The following FBXO33 variants were observed in gnomAD, a reference collection of about 807,000 sequenced individuals.
FBXO33 encodes the protein F-box protein 33, also known as F-box only protein 33.
In FBXO33, 22 loss-of-function variants were observed where a neutral mutation model predicts 46.3. That is an observed-to-expected ratio of 0.48 (90% confidence interval 0.34 to 0.68). FBXO33 has a LOEUF of 0.68. FBXO33 is among the 30% of genes least tolerant of loss of function. FBXO33 has a pLI of 0.01. For synonymous variants in FBXO33, 337 were observed against 291.3 expected (o/e 1.16, Z -1.60); for missense variants, 692 against 708.8 (o/e 0.98, Z 0.27).
intron 3 of FBXO33, 33 bp downstream of exon 3, chr14:39,401,143 C>A: frequency 6.5e-7 from 1 of 1,531,486 alleles, no homozygotes; most frequent in Non-Finnish European, 8.8e-7. Flanking sequence ...GGTCTAATTC[C>A]AGTATCAGAT....
intron 1 of FBXO33, among the ~76,000 whole-genome samples, chr14:39,422,330 G>C (rs2075489271): frequency 6.6e-6 from 1 of 152,140 alleles, no homozygotes; most frequent in Non-Finnish European, 1.5e-5. Flanking sequence ...TCATGCCCTG[G>C]TCTAAGCCAC....
At chr14:39,418,188 C>A (rs896486356) in intron 1 of FBXO33, among the ~76,000 whole-genome samples, 1 of 151,680 alleles carries the variant, frequency 6.6e-6, no homozygotes, top group African/African-American at 2.4e-5. Flanking sequence ...CTCAGCCTCC[C>A]GAGTAGCTGG....
chr14:39,411,080 C>G (rs4902599), intron 1 of FBXO33, among the ~76,000 whole-genome samples: 2 of 151,972 alleles, frequency 1.3e-5, no homozygotes, highest in Admixed American at 6.6e-5. Context: ...TTTAAAGTTA[C>G]GTTGTATGAA....
intron 1 of FBXO33, among the ~76,000 whole-genome samples, chr14:39,415,736 G>A (rs1190918561): frequency 2.0e-5 from 3 of 151,614 alleles, no homozygotes; most frequent in East Asian, 3.9e-4. Context: ...GTGTGATCTC[G>A]GCTCACTGCA....
intron 1 of FBXO33, among the ~76,000 whole-genome samples, chr14:39,424,449 G>A (rs2139419298): frequency 6.6e-6 from 1 of 152,038 alleles, no homozygotes; most frequent in South Asian, 2.1e-4. Context: ...ACTAACACAG[G>A]GTCTGGCATT....
chr14:39,402,858 T>C (rs1179868048), intron 1 of FBXO33, among the ~76,000 whole-genome samples: 1 of 152,028 alleles, frequency 6.6e-6, no homozygotes, highest in Non-Finnish European at 1.5e-5. Context: ...AATTTTTTTG[T>C]ATTTTTAGTA....
chr14:39,404,023 G>C (rs2075381025), intron 1 of FBXO33, among the ~76,000 whole-genome samples: 2 of 152,050 alleles, frequency 1.3e-5, no homozygotes, highest in South Asian at 4.2e-4. Flanking sequence ...ACAAGTATGA[G>C]CCACCATGTC....
At chr14:39,400,597 TAAG>T (rs2075364145) in intron 3 of FBXO33, among the ~76,000 whole-genome samples, 1 of 152,134 alleles carries the variant, frequency 6.6e-6, no homozygotes, top group African/African-American at 2.4e-5. Flanking sequence ...GGATAGCTAA[TAAG>T]AGAGTTTAAG....
intron 1 of FBXO33, among the ~76,000 whole-genome samples, chr14:39,429,785 C>T (rs1355881550): frequency 6.6e-6 from 1 of 152,158 alleles, no homozygotes; most frequent in East Asian, 1.9e-4. Flanking sequence ...CCCAGAAGGG[C>T]AGGCATCGGT....
At chr14:39,408,090 G>C (rs997785960) in intron 1 of FBXO33, among the ~76,000 whole-genome samples, 1 of 151,946 alleles carries the variant, frequency 6.6e-6, no homozygotes, top group African/African-American at 2.4e-5. Context: ...ACAGGTGTGC[G>C]CCACCATGCC....
At chr14:39,431,304 G>A (rs924830761) in intron 1 of FBXO33, among the ~76,000 whole-genome samples, 8 of 152,294 alleles carry the variant, frequency 5.3e-5, no homozygotes, top group African/African-American at 1.4e-4. Flanking sequence ...CGGCCACCAA[G>A]AGGATGAATG....
intron 1 of FBXO33, among the ~76,000 whole-genome samples, chr14:39,430,646 CT>C (rs1416816952): frequency 2.6e-5 from 4 of 152,094 alleles, no homozygotes; most frequent in Non-Finnish European, 5.9e-5. Context: ...AGTATTTTTA[CT>C]ATGTAAGGTG....
At chr14:39,406,039 G>A (rs1479452428) in intron 1 of FBXO33, among the ~76,000 whole-genome samples, 1 of 151,294 alleles carries the variant, frequency 6.6e-6, no homozygotes, top group Non-Finnish European at 1.5e-5. Flanking sequence ...TTCCATATTA[G>A]ACTCCAAAGA....
At chr14:39,406,662 A>G (rs1402881561) in intron 1 of FBXO33, among the ~76,000 whole-genome samples, 1 of 152,178 alleles carries the variant, frequency 6.6e-6, no homozygotes, top group Non-Finnish European at 1.5e-5. Flanking sequence ...TACCAGAGAC[A>G]AACTGTACAG....
chr14:39,407,085 C>A (rs2415546), intron 1 of FBXO33, among the ~76,000 whole-genome samples: 43,275 of 151,940 alleles, frequency 0.28, 7,610 homozygotes, highest in Non-Finnish European at 0.4. Context: ...TCACAGGATA[C>A]AAGGTCAATA....
chr14:39,406,695 A>C (rs566368782), intron 1 of FBXO33, among the ~76,000 whole-genome samples: 2 of 152,302 alleles, frequency 1.3e-5, no homozygotes, highest in South Asian at 4.1e-4. Context: ...AGATTTGCAA[A>C]GACTTCATAT....
intron 1 of FBXO33, among the ~76,000 whole-genome samples, chr14:39,426,298 T>C (rs1307751122): frequency 6.6e-6 from 1 of 152,152 alleles, no homozygotes; most frequent in Non-Finnish European, 1.5e-5. Context: ...GTGAGTACTC[T>C]GGGCTATACT....
Position 39,401,419 on chromosome 14 carries a change from A to C in FBXO33, c.1153T>G (p.Leu385Val), listed in dbSNP as rs1376774860. 1 of 1,614,196 alleles carries C rather than the reference A, an allele frequency of 6.2e-7. No homozygotes were observed. Among genetic ancestry groups the C allele is most frequent in the East Asian group, 2.2e-5 (1 of 44,882 alleles). The change falls in exon 3 of 4, where the codon TTA (leucine) becomes GTA (valine). Residue 385 changes from leucine to valine, a missense_variant. Transcript: ENST00000298097. ...GGTATACTGGGTTTCAGAATCTTTA[A>C]CATATCTTCACTCTTGATATCAAAA... ...MAFDIKSEDM[L>V]KILKPSIPLE...
intron 1 of FBXO33, among the ~76,000 whole-genome samples, chr14:39,423,063 A>C (rs2075493122): frequency 6.6e-6 from 1 of 152,192 alleles, no homozygotes; most frequent in Admixed American, 6.5e-5. Flanking sequence ...CGGAGGTTGC[A>C]GTGAGCTGAG....
Sources: allele counts gnomAD v4.1 joint callset (sites outside exome capture counted in the v4.1 genomes callset), GRCh38; gene constraint gnomAD v4.1.1; transcripts MANE v1.5; gene names NCBI Gene and HGNC (gene_info 2026-07-23, HGNC 2026-07-21).